The following MEAK7 variants were observed in gnomAD, a reference collection of about 807,000 sequenced individuals.
The protein encoded by MEAK7 is MTOR associated protein MEAK7.
In MEAK7, 68 loss-of-function variants were observed where a neutral mutation model predicts 40.5. The ratio of observed to expected loss-of-function variants is 1.68; its 90% confidence interval spans 1.38 to 2.06. The LOEUF (loss-of-function observed/expected upper bound fraction) is 2.06, where lower values mean the gene tolerates loss of function less well. Among genes scored for constraint, MEAK7 ranks in the 30% most tolerant of loss-of-function variants. The probability of loss-of-function intolerance (pLI) is 0.00; values close to 1 mark genes in which losing one functional copy is unlikely to be tolerated. For synonymous variants in MEAK7, 338 were observed against 231.9 expected (o/e 1.46, Z -4.16); for missense variants, 918 against 580.5 (o/e 1.58, Z -5.98).
chr16:84,478,074 G>A lies in MEAK7; in HGVS notation c.*1839C>T, dbSNP rs930737260. ...ATTTTTTTTTTAACTGAGGCATCAT[G>A]GCAGTTTAATAGTGAGGTATTTAAT... On this transcript the variant is annotated 3_prime_UTR_variant, in exon 8 of 8. Transcript: ENST00000343629. 1.3e-5 allele frequency: 2 copies of A among 151,854 alleles called. No individual in the cohort carries two copies. Among genetic ancestry groups the A allele is most frequent in the Non-Finnish European group, 2.9e-5 (2 of 67,944 alleles). 9.4% of individuals were successfully genotyped at this position (151,854 alleles called of 1,614,324 possible).
chr16:84,480,168 G>T, intron 7 of MEAK7, 142 bp from the exon 8 acceptor site: 3 of 659,796 alleles, frequency 4.5e-6, no homozygotes, highest in Non-Finnish European at 7.5e-6. Flanking sequence ...TTCAGTGGCT[G>T]GGTGGGTAGG....
intron 2 of MEAK7, among the ~76,000 whole-genome samples, 199 bp from the exon 3 acceptor site, chr16:84,496,112 A>G (rs865842980): frequency 6.6e-6 from 1 of 152,220 alleles, no homozygotes; most frequent in Non-Finnish European, 1.5e-5. Context: ...AATGCCGGCC[A>G]TTAGAAACTG....
intron 3 of MEAK7, among the ~76,000 whole-genome samples, chr16:84,492,467 A>T (rs1467300786): frequency 2.0e-5 from 3 of 152,106 alleles, no homozygotes; most frequent in African/African-American, 7.2e-5. Flanking sequence ...CAAAAAAATA[A>T]AGGTTTTTAC....
intron 5 of MEAK7, chr16:84,486,372 G>A (rs1406265503): frequency 6.2e-6 from 7 of 1,122,332 alleles, no homozygotes; most frequent in Non-Finnish European, 6.8e-6. Context: ...CTTCTCCCAC[G>A]CCCCATAGAC....
chr16:84,499,456 C>T (rs1567506311), intron 1 of MEAK7, among the ~76,000 whole-genome samples: 1 of 152,140 alleles, frequency 6.6e-6, no homozygotes, highest in Non-Finnish European at 1.5e-5. Context: ...AGTCATGGTC[C>T]GCACCAAGCC....
At chr16:84,504,269 C>T in intron 1 of MEAK7, 1 of 575,598 alleles carries the variant, frequency 1.7e-6, no homozygotes, top group Non-Finnish European at 2.2e-6. Flanking sequence ...CGCGTCTACA[C>T]AGGCTCTGAA....
chr16:84,496,966 C>T (rs1914101328), intron 2 of MEAK7: 1 of 160,604 alleles, frequency 6.2e-6, no homozygotes, highest in African/African-American at 2.4e-5. Flanking sequence ...TCCAAATATA[C>T]CAGCTTTTAC....
intron 7 of MEAK7, 85 bp from the exon 8 acceptor site, chr16:84,480,111 G>A: frequency 9.0e-7 from 1 of 1,114,676 alleles, no homozygotes; most frequent in South Asian, 1.7e-5. Flanking sequence ...AGCCTTCTTG[G>A]GTGGAATCAG....
chr16:84,486,774 G>A lies in MEAK7; in HGVS notation c.815C>T (p.Ser272Phe), dbSNP rs368018304. 193 of 1,613,924 alleles carry A rather than the reference G, an allele frequency of 1.2e-4. 2 individuals carry two copies. In the South Asian group the frequency reaches 1.8e-3, roughly 15 times the overall value. ...QRHRWCLLFS[S>F]ELHGHSFSQL... Reference sequence around the variant, plus strand: ...GGAGAAGCTGTGTCCATGGAGCTCAGACGAAAAGAGCAGGCACCAGCGGTG... The same window carrying A: ...GGAGAAGCTGTGTCCATGGAGCTCAAACGAAAAGAGCAGGCACCAGCGGTG... Residue 272 changes from serine (S) to phenylalanine (F), a missense_variant, in exon 5 of 8, where the codon TCT becomes TTT. Physicochemically the swap from Ser to Phe is radical, Grantham distance 155. Transcript: ENST00000343629.
chr16:84,483,867 C>G (rs1278998187), intron 5 of MEAK7, among the ~76,000 whole-genome samples: 1 of 152,106 alleles, frequency 6.6e-6, no homozygotes, highest in African/African-American at 2.4e-5. Flanking sequence ...TTGAGAGCAT[C>G]GGGTGGAGGA....
At chr16:84,480,471 C>A in intron 7 of MEAK7, 58 bp downstream of exon 7, 1 of 1,512,392 alleles carries the variant, frequency 6.6e-7, no homozygotes, top group Non-Finnish European at 8.9e-7. Flanking sequence ...TAAGAAAATG[C>A]AGAAAGGCCC....
At chr16:84,497,863 T>A (rs1232136373) in intron 2 of MEAK7, 71 bp downstream of exon 2, 1 of 1,598,136 alleles carries the variant, frequency 6.3e-7, no homozygotes, top group Non-Finnish European at 8.6e-7. Flanking sequence ...GAAAGCAGAT[T>A]CTGGCCTGAA....
At position 84,498,027 on chromosome 16, in the gene MEAK7, T is replaced by C. The variant is rs781344659; in HGVS notation, c.60A>G (p.Glu20=). The C allele has an allele frequency of 3.1e-6, 5 of 1,614,056 alleles. No homozygotes were observed. The highest frequency in any genetic ancestry group is 1.7e-5 in the Admixed American group (1 of 59,994). Residue 20 remains glutamate (E), a synonymous_variant, in exon 2 of 8, where the codon GAA becomes GAG. Coordinates refer to ENST00000343629, the MANE Select transcript of MEAK7 (RefSeq NM_020947.4). The part of the protein sequence containing the change: ...RSFCSQFLPE[E]QAEIDQLFDA... ...CAAACAATTGATCAATCTCTGCCTG[T>C]TCCTCAGGAAGAAACTGTGAACAAA...
rs1189278776 is a variant in MEAK7, at chr16:84,486,991, C to T, written c.598G>A (p.Val200Met). The T allele has an allele frequency of 2.5e-6, 4 of 1,614,156 alleles. No individual in the cohort carries two copies. Among genetic ancestry groups the T allele is most frequent in the East Asian group, 4.5e-5 (2 of 44,872 alleles). Reference sequence around the variant, plus strand: ...ATGGCCACATGGGGGACCCTGAACACCCAGTCCTCGATCACAGCTCGGTCA... The same window carrying T: ...ATGGCCACATGGGGGACCCTGAACATCCAGTCCTCGATCACAGCTCGGTCA... ...DCDRAVIEDW[V>M]FRVPHVAIFL... is the part of the protein sequence containing the mutation. Residue 200 changes from valine to methionine, a missense_variant, in exon 5 of 8, where the codon GTG becomes ATG. Val to Met is a conservative substitution (Grantham distance 21, BLOSUM62 1). Transcript: ENST00000343629.
Position 84,495,889 on chromosome 16 carries a change from G to A in MEAK7, c.178C>T (p.Pro60Ser). 1 of 1,614,018 alleles carries A rather than the reference G, an allele frequency of 6.2e-7. No homozygotes were observed. The highest frequency in any genetic ancestry group is 8.5e-7 in the Non-Finnish European group (1 of 1,180,012). The stretch of plus-strand genomic sequence containing the variant: ...TCATACAGCCTGGTGACCATCTCTG[G>A]GGGAAGAGCTTCCCCGACGTGGTTC... ...LQNHVGEALP[P>S]EMVTRLYDGM... Residue 60 changes from proline (P) to serine (S), a missense_variant, in exon 3 of 8, where the codon CCA becomes TCA. Transcript: ENST00000343629.
intron 3 of MEAK7, 34 bp from the exon 4 acceptor site, chr16:84,489,456 T>C: frequency 1.9e-6 from 3 of 1,578,182 alleles, no homozygotes; most frequent in Non-Finnish European, 2.6e-6. Flanking sequence ...TAAAAACAGT[T>C]CCACCATATC....
chr16:84,486,864 A>G lies in MEAK7; in HGVS notation c.725T>C (p.Phe242Ser). The change falls in exon 5 of 8, where the codon TTT becomes TCT. Residue 242 changes from phenylalanine to serine, a missense_variant. Transcript: ENST00000343629. ...AGAGAGGACATCCAGGATGCTCTCA[A>G]AACCCCTGCCCTGGTCCACTTGACG... Reference protein sequence around the residue: ...PERQVDQGRGFESILDVLSVM... With the variant: ...PERQVDQGRGSESILDVLSVM... 1 of 1,614,186 alleles carries G rather than the reference A, an allele frequency of 6.2e-7. No individual in the cohort carries two copies. The highest frequency in any genetic ancestry group is 1.1e-5 in the South Asian group (1 of 91,090).
In MEAK7 at chr16:84,479,591, A is replaced by T. The variant is rs1912331383; in HGVS notation, c.*322T>A. On this transcript the variant is annotated 3_prime_UTR_variant, in exon 8 of 8. Transcript: ENST00000343629. ...TGCCAGCGGGGGTCTGAAAGGTCTC[A>T]GCTGCTTAGGATTTCGTTGGTAAAA... 1 of 212,092 alleles carries T rather than the reference A, an allele frequency of 4.7e-6. No individual in the cohort carries two copies. The highest frequency in any genetic ancestry group is 9.3e-6 in the Non-Finnish European group (1 of 107,604). The allele number at this position is 212,092 out of a possible 1,614,324, so 13.1% of individuals were successfully genotyped here. A position where few individuals can be genotyped will look rare whatever the true frequency, so the allele number is the denominator to read the frequency against.
rs1192855884 is a variant in MEAK7, at chr16:84,482,357, G to A, written c.1077+235C>T. Reference sequence around the variant, plus strand: ...GAAAAATGGGCCAAGTGTGCCATCTGCACACAAACCACTGAGAAGCCCCAG... The same window carrying A: ...GAAAAATGGGCCAAGTGTGCCATCTACACACAAACCACTGAGAAGCCCCAG... On this transcript the variant is annotated intron_variant, in intron 6 of 7. Coordinates refer to ENST00000343629, the MANE Select transcript of MEAK7 (RefSeq NM_020947.4). Among the ~76,000 whole-genome samples, 3 of 152,344 alleles carry A rather than the reference G, an allele frequency of 2.0e-5. No individual in the cohort carries two copies. In the East Asian group the frequency reaches 5.8e-4, roughly 29 times the overall value.
Sources: gnomAD v4.1 joint callset for allele counts (sites outside exome capture counted in the v4.1 genomes callset) on GRCh38, gnomAD v4.1.1 for gene constraint, MANE v1.5 for transcripts, NCBI Gene and HGNC (gene_info 2026-07-23, HGNC 2026-07-21) for gene names.